CDH13: variants seen among roughly 807,000 people sequenced by gnomAD.
CDH13 encodes cadherin-13.
Under a neutral mutation model 63.8 loss-of-function variants are expected in CDH13, and 24 were observed. That is an observed-to-expected ratio of 0.38 (90% CI 0.27 to 0.53). The LOEUF (loss-of-function observed/expected upper bound fraction) is 0.53, where lower values mean the gene tolerates loss of function less well. Among genes scored for constraint, CDH13 ranks in the 20% least tolerant of loss-of-function variants. The pLI is 0.85. For missense variants in CDH13, 1,049 were observed against 903.1 expected, an observed-to-expected ratio of 1.16 and a Z score of -2.07; for synonymous variants, 503 against 355.3, an observed-to-expected ratio of 1.42 and a Z score of -4.67.
chr16:83,489,591 C>G (rs920915398), intron 7 of CDH13, among the ~76,000 whole-genome samples: 2 of 152,224 alleles, frequency 1.3e-5, no homozygotes, highest in Non-Finnish European at 2.9e-5. Context: ...GGGTAAAAAA[C>G]TTGCACATCA....
chr16:83,613,605 C>T (rs1321493905), intron 8 of CDH13, among the ~76,000 whole-genome samples: 1 of 152,080 alleles, frequency 6.6e-6, no homozygotes, highest in Non-Finnish European at 1.5e-5. Context: ...GACCGGTGGG[C>T]AGATCACTTG....
chr16:82,892,915 C>A (rs746636116), intron 2 of CDH13, among the ~76,000 whole-genome samples: 29 of 151,894 alleles, frequency 1.9e-4, no homozygotes, highest in Non-Finnish European at 3.7e-4. Flanking sequence ...AAGAGTAATC[C>A]CTAAACACAT....
chr16:83,755,798 A>G lies in CDH13; in HGVS notation c.1681+7548A>G, dbSNP rs143765611. Among the ~76,000 whole-genome samples, 501 of 152,220 alleles carry G rather than the reference A, an allele frequency of 3.3e-3. 4 individuals are homozygous for G. Among genetic ancestry groups the G allele is most frequent in the African/African-American group, 0.012 (485 of 41,562 alleles). On this transcript the variant is annotated intron_variant, in intron 11 of 13. Coordinates refer to ENST00000567109, the MANE Select transcript of CDH13 (RefSeq NM_001257.5). The stretch of plus-strand genomic sequence containing the variant: ...TATTGCAAGCAGGTTTATGCCTTTT[A>G]CTGAAGAGAATATTTCAGGCAGAGG...
intron 1 of CDH13, among the ~76,000 whole-genome samples, chr16:82,851,757 C>T (rs2039497897): frequency 6.6e-6 from 1 of 151,994 alleles, no homozygotes; most frequent in Non-Finnish European, 1.5e-5. Flanking sequence ...AGGCAGTATG[C>T]CTTTGTAAAC....
chr16:82,791,554 C>G (rs1290785195), intron 1 of CDH13, among the ~76,000 whole-genome samples: 1 of 152,186 alleles, frequency 6.6e-6, no homozygotes, highest in African/African-American at 2.4e-5. Context: ...GAACACTCTT[C>G]TGGTCTGTGC....
At position 83,678,125 on chromosome 16, in the gene CDH13, G is replaced by A. The variant is rs1195302398; in HGVS notation, c.1285-83G>A. ...CATCCCTGAAGGCCCACTGTTGCTCGTGGAATTTCAGAGGAAGTTGATGCA... is the reference window on the plus strand; with the variant it reads ...CATCCCTGAAGGCCCACTGTTGCTCATGGAATTTCAGAGGAAGTTGATGCA... On this transcript the variant is annotated intron_variant, in intron 9 of 13. Coordinates refer to ENST00000567109, the MANE Select transcript of CDH13 (RefSeq NM_001257.5). 34 of 1,467,062 alleles carry A rather than the reference G, an allele frequency of 2.3e-5. No homozygotes were observed. The Admixed American group carries it at 2.4e-4, about 10-fold the overall frequency. 90.9% of individuals were successfully genotyped at this position (1,467,062 alleles called of 1,614,324 possible).
intron 2 of CDH13, among the ~76,000 whole-genome samples, chr16:82,917,402 G>A (rs2042023694): frequency 6.6e-6 from 1 of 152,092 alleles, no homozygotes; most frequent in Non-Finnish European, 1.5e-5. Context: ...AATAGACAGG[G>A]CAGAAATGAA....
chr16:83,017,350 T>C (rs1914907198), intron 2 of CDH13, among the ~76,000 whole-genome samples: 1 of 152,208 alleles, frequency 6.6e-6, no homozygotes, highest in Non-Finnish European at 1.5e-5. Context: ...ACACAGACTC[T>C]TTGACTCCCT....
At chr16:82,734,334 A>G (rs2033558537) in intron 1 of CDH13, among the ~76,000 whole-genome samples, 1 of 152,220 alleles carries the variant, frequency 6.6e-6, no homozygotes, top group African/African-American at 2.4e-5. Context: ...AGAAAAAAAA[A>G]ATGTGTCCAC....
intron 1 of CDH13, among the ~76,000 whole-genome samples, chr16:82,764,337 G>A (rs762609909): frequency 1.5e-4 from 23 of 152,126 alleles, no homozygotes; most frequent in Non-Finnish European, 1.8e-4. Context: ...TACTAGAAAG[G>A]ATTCTCATTT....
At chr16:83,422,637 G>A (rs1228886250) in intron 6 of CDH13, among the ~76,000 whole-genome samples, 2 of 152,182 alleles carry the variant, frequency 1.3e-5, no homozygotes, top group African/African-American at 2.4e-5. Flanking sequence ...AGCTGGTAAA[G>A]GTTGTGACAC....
intron 5 of CDH13, among the ~76,000 whole-genome samples, chr16:83,305,416 C>T (rs1218988322): frequency 6.6e-6 from 1 of 152,222 alleles, no homozygotes; most frequent in African/African-American, 2.4e-5. Context: ...GCTGGAAGGA[C>T]CATTTTTAAT....
chr16:83,779,264 G>A (rs1467980243), intron 11 of CDH13, among the ~76,000 whole-genome samples: 6 of 151,746 alleles, frequency 4.0e-5, no homozygotes, highest in South Asian at 2.1e-4. Flanking sequence ...AAAATTAGCC[G>A]GGCATGATGG....
intron 5 of CDH13, among the ~76,000 whole-genome samples, chr16:83,286,904 G>C (rs190984052): frequency 6.6e-6 from 1 of 151,848 alleles, no homozygotes. Flanking sequence ...AGTGAAGCAA[G>C]GGCTGGATAT....
chr16:82,716,727 G>A (rs2032399506), intron 1 of CDH13, among the ~76,000 whole-genome samples: 1 of 151,298 alleles, frequency 6.6e-6, no homozygotes, highest in African/African-American at 2.4e-5. Flanking sequence ...TTTCTGGAGG[G>A]GTTCACTGTT....
chr16:82,786,056 G>A (rs1424140866), intron 1 of CDH13, among the ~76,000 whole-genome samples: 1 of 152,164 alleles, frequency 6.6e-6, no homozygotes, highest in Admixed American at 6.5e-5. Flanking sequence ...CAGGAGTCAA[G>A]GCAGAGCAGG....
intron 3 of CDH13, among the ~76,000 whole-genome samples, chr16:83,090,012 T>C (rs2033815170): frequency 6.6e-6 from 1 of 152,090 alleles, no homozygotes; most frequent in South Asian, 2.1e-4. Flanking sequence ...TAGAAGCATG[T>C]AACATGAATG....
intron 3 of CDH13, among the ~76,000 whole-genome samples, chr16:83,033,162 T>A (rs1916529669): frequency 6.6e-6 from 1 of 152,230 alleles, no homozygotes; most frequent in Non-Finnish European, 1.5e-5. Flanking sequence ...ACATTTAATA[T>A]ATCAAAGATA....
At position 83,440,443 on chromosome 16, in the gene CDH13, C is replaced by T. The variant is rs143938747; in HGVS notation, c.782-46034C>T. Reference sequence around the variant, plus strand: ...ACTGTGGAATGGGAACTGAATCAGTCGTGGGGAGGAGGGGTCTCTGCAAAC... The same window carrying T: ...ACTGTGGAATGGGAACTGAATCAGTTGTGGGGAGGAGGGGTCTCTGCAAAC... On this transcript the variant is annotated intron_variant, in intron 6 of 13. Transcript: ENST00000567109. Among the ~76,000 whole-genome samples the T allele has an allele frequency of 3.3e-5, 5 of 152,098 alleles. No individual in the cohort carries two copies. The East Asian group carries it at 7.8e-4, about 24-fold the overall frequency.
Sources: allele counts gnomAD v4.1 joint callset (sites outside exome capture counted in the v4.1 genomes callset), GRCh38; gene constraint gnomAD v4.1.1; transcripts MANE v1.5; gene names NCBI Gene and HGNC (gene_info 2026-07-23, HGNC 2026-07-21).